SIPA1L1: variants seen among roughly 807,000 people sequenced by gnomAD.
SIPA1L1 encodes signal-induced proliferation-associated 1-like protein 1.
SIPA1L1 carries 26 observed loss-of-function variants against 162.7 expected under a neutral mutation model. The ratio of observed to expected loss-of-function variants is 0.16; its 90% CI spans 0.12 to 0.22. The LOEUF (loss-of-function observed/expected upper bound fraction) is 0.22. Among genes scored for constraint, SIPA1L1 ranks in the 10% least tolerant of loss-of-function variants. SIPA1L1 has a pLI of 1.00. For synonymous variants in SIPA1L1, 829 were observed against 837.4 expected (o/e 0.99, Z 0.17); for missense variants, 1,874 against 2,241.0 (o/e 0.84, Z 3.31).
intron 2 of SIPA1L1, among the ~76,000 whole-genome samples, chr14:71,464,604 G>T (rs1184841407): frequency 6.6e-6 from 1 of 152,160 alleles, no homozygotes; most frequent in African/African-American, 2.4e-5. Flanking sequence ...TCATGCCACT[G>T]CACTCCAGCC....
intron 2 of SIPA1L1, among the ~76,000 whole-genome samples, chr14:71,499,756 T>G (rs1212242123): frequency 6.6e-6 from 1 of 152,206 alleles, no homozygotes; most frequent in African/African-American, 2.4e-5. Context: ...TTGATTTGTT[T>G]TGTTTCACAT....
chr14:71,560,573 G>A (rs1469646954), intron 4 of SIPA1L1, among the ~76,000 whole-genome samples: 1 of 152,196 alleles, frequency 6.6e-6, no homozygotes, highest in Admixed American at 6.5e-5. Context: ...GGACTAATCT[G>A]TTCCTGACTA....
chr14:71,662,787 A>G (rs1052777718), intron 10 of SIPA1L1, among the ~76,000 whole-genome samples: 3 of 152,222 alleles, frequency 2.0e-5, no homozygotes, highest in Non-Finnish European at 4.4e-5. Flanking sequence ...GAAACCTCTT[A>G]TCAAGGAAAT....
At chr14:71,547,412 G>C (rs1471828446) in intron 4 of SIPA1L1, among the ~76,000 whole-genome samples, 1 of 148,822 alleles carries the variant, frequency 6.7e-6, no homozygotes, top group Non-Finnish European at 1.5e-5. Context: ...CGCTGCCTCA[G>C]CCTCCCAAGT....
At chr14:71,456,177 G>T (rs1036582413) in intron 2 of SIPA1L1, among the ~76,000 whole-genome samples, 1 of 152,196 alleles carries the variant, frequency 6.6e-6, no homozygotes, top group Admixed American at 6.5e-5. Flanking sequence ...ATCTCAAGTT[G>T]TTGTGTGGTA....
intron 4 of SIPA1L1, among the ~76,000 whole-genome samples, chr14:71,559,148 A>G (rs1200925024): frequency 6.6e-6 from 1 of 150,530 alleles, no homozygotes; most frequent in African/African-American, 2.5e-5. Flanking sequence ...GCTCATTGCA[A>G]CCTCCGCCTC....
At chr14:71,644,118 T>A (rs1385293207) in intron 7 of SIPA1L1, among the ~76,000 whole-genome samples, 1 of 152,006 alleles carries the variant, frequency 6.6e-6, no homozygotes, top group Non-Finnish European at 1.5e-5. Flanking sequence ...CAAATGGTAG[T>A]TTCTTAAAGG....
chr14:71,471,625 A>C (rs746743313), intron 2 of SIPA1L1, among the ~76,000 whole-genome samples: 1 of 152,236 alleles, frequency 6.6e-6, no homozygotes, highest in East Asian at 1.9e-4. Context: ...GACAGGAATT[A>C]CTGTTAGATT....
intron 7 of SIPA1L1, among the ~76,000 whole-genome samples, chr14:71,624,477 T>C (rs2039766507): frequency 6.6e-6 from 1 of 152,214 alleles, no homozygotes; most frequent in Non-Finnish European, 1.5e-5. Context: ...TTAAATTCTT[T>C]TGATAATCTT....
chr14:71,708,561 G>A (rs1475144203), intron 16 of SIPA1L1, among the ~76,000 whole-genome samples: 1 of 152,176 alleles, frequency 6.6e-6, no homozygotes, highest in Non-Finnish European at 1.5e-5. Flanking sequence ...CTGAGCTGAA[G>A]CAATCCACCT....
intron 8 of SIPA1L1, among the ~76,000 whole-genome samples, chr14:71,657,356 A>C (rs886516481): frequency 3.3e-5 from 5 of 151,770 alleles, no homozygotes; most frequent in African/African-American, 1.2e-4. Flanking sequence ...AAAAAAAAAA[A>C]AAAAAAAAAA....
chr14:71,486,476 A>G (rs1242203815), intron 2 of SIPA1L1, among the ~76,000 whole-genome samples: 1 of 152,152 alleles, frequency 6.6e-6, no homozygotes, highest in Non-Finnish European at 1.5e-5. Context: ...TTCTACTTGA[A>G]ACTCCTTGGC....
Position 71,587,672 on chromosome 14 carries a change from T to C in SIPA1L1, c.-201T>C. 3.8e-6 allele frequency: 2 copies of C among 525,588 alleles called. No homozygotes were observed. The highest frequency in any genetic ancestry group is 6.6e-6 in the Non-Finnish European group (2 of 301,758). 32.6% of individuals were successfully genotyped at this position (525,588 alleles called of 1,614,324 possible). ...CTGTTAAAGTGAAGCAAAGAAACTG[T>C]TGTGGATTATAACGTTTAGAAGTTC... On this transcript the variant is annotated 5_prime_UTR_variant, in exon 5 of 24. Coordinates refer to ENST00000381232, the MANE Select transcript of SIPA1L1 (RefSeq NM_001386936.1).
At chr14:71,677,940 T>G (rs1034932251) in intron 12 of SIPA1L1, among the ~76,000 whole-genome samples, 4 of 152,214 alleles carry the variant, frequency 2.6e-5, no homozygotes, top group Non-Finnish European at 5.9e-5. Context: ...TTGCATAGGA[T>G]TGTCTTGGCA....
At chr14:71,506,689 T>C (rs2144033782) in intron 2 of SIPA1L1, among the ~76,000 whole-genome samples, 1 of 152,174 alleles carries the variant, frequency 6.6e-6, no homozygotes, top group South Asian at 2.1e-4. Flanking sequence ...ACAATGATGG[T>C]ACTTCATTTT....
chr14:71,370,626 G>C (rs1416623730), intron 2 of SIPA1L1, among the ~76,000 whole-genome samples: 1 of 152,106 alleles, frequency 6.6e-6, no homozygotes, highest in African/African-American at 2.4e-5. Flanking sequence ...ATACATATAT[G>C]TACTAAGAGC....
chr14:71,373,820 C>G (rs2039124597), intron 2 of SIPA1L1, among the ~76,000 whole-genome samples: 1 of 151,816 alleles, frequency 6.6e-6, no homozygotes, highest in Non-Finnish European at 1.5e-5. Flanking sequence ...AATTCTAGCA[C>G]TTTGGGAGGC....
rs1327558793 is a variant in SIPA1L1 at position 71,588,558 on chromosome 14, A to G, written c.686A>G (p.Tyr229Cys). ...GESFFDLLKG[Y>C]KDDKSDRGPT... ...AGCTTTTTTGATTTGTTAAAGGGCTACAAAGATGACAAATCTGATCGAGGT... is the reference window on the plus strand; with the variant it reads ...AGCTTTTTTGATTTGTTAAAGGGCTGCAAAGATGACAAATCTGATCGAGGT... Residue 229 changes from tyrosine (Y) to cysteine (C), a missense_variant, in exon 5 of 24, where the codon TAC (tyrosine) becomes TGC (cysteine). Physicochemically the swap from Tyr to Cys is radical, Grantham distance 194. Transcript: ENST00000381232. The surrounding 1 kb of genome is among the most constrained non-coding windows in gnomAD (Gnocchi z 4.3). 1.9e-6 allele frequency: 3 copies of G among 1,614,008 alleles called. No homozygotes were observed. The highest frequency in any genetic ancestry group is 2.7e-5 in the African/African-American group (2 of 74,930).
chr14:71,596,589 T>C (rs1024152470), intron 5 of SIPA1L1, among the ~76,000 whole-genome samples: 7 of 152,222 alleles, frequency 4.6e-5, no homozygotes, highest in African/African-American at 1.7e-4. Flanking sequence ...ATTTGTTCAG[T>C]CATTCAAATA....
Sources: gnomAD v4.1 joint callset for allele counts (sites outside exome capture counted in the v4.1 genomes callset) on GRCh38, gnomAD v4.1.1 for gene constraint, Gnocchi (gnomAD v3.1) non-coding constraint, MANE v1.5 for transcripts, NCBI Gene and HGNC (gene_info 2026-07-23, HGNC 2026-07-21) for gene names.